SPRR1B: variants seen among roughly 807,000 people sequenced by gnomAD.
SPRR1B encodes cornifin-B.
Under a neutral mutation model 1.2 loss-of-function variants are expected in SPRR1B, and 1 was observed. The observed-to-expected ratio is 0.82, with a 90% confidence interval of 0.29 to 3.89. SPRR1B has a LOEUF of 3.89. SPRR1B is among the 30% of genes most tolerant of loss of function. The pLI, the probability that SPRR1B is intolerant of heterozygous loss-of-function variation, is 0.18. For synonymous variants in SPRR1B, 37 were observed against 38.3 expected, an observed-to-expected ratio of 0.97 and a Z score of 0.13; for missense variants, 102 against 106.0, an observed-to-expected ratio of 0.96 and a Z score of 0.17.
intron 1 of SPRR1B, among the ~76,000 whole-genome samples, chr1:153,031,757 G>A (rs1422879797): frequency 6.6e-6 from 1 of 152,192 alleles, no homozygotes; most frequent in Non-Finnish European, 1.5e-5. Flanking sequence ...TCAGTGCCAG[G>A]TGATTAGGGC....
rs770795259 is a variant in SPRR1B, at chr1:153,032,442, T to C, written c.97T>C (p.Cys33Arg). 4 of 1,613,820 alleles carry C rather than the reference T, an allele frequency of 2.5e-6. No individual in the cohort carries two copies. The highest frequency in any genetic ancestry group is 3.4e-6 in the Non-Finnish European group (4 of 1,179,966). ...QPCQPPPQEP[C>R]IPKTKEPCHP... ...TTGCCAGCCTCCACCTCAGGAACCA[T>C]GCATCCCCAAAACCAAGGAGCCCTG... Residue 33 changes from cysteine to arginine, a missense_variant, in exon 2 of 2, where the codon TGC becomes CGC. Physicochemically the swap from Cys to Arg is radical, Grantham distance 180 (BLOSUM62 -3). Transcript: ENST00000307098.
intron 1 of SPRR1B, among the ~76,000 whole-genome samples, chr1:153,032,027 G>T (rs1653721963): frequency 6.6e-6 from 1 of 150,466 alleles, no homozygotes; most frequent in South Asian, 2.1e-4. Context: ...ATTTGTTAGG[G>T]TTTTTTTTTT....
Position 153,032,535 on chromosome 1 carries a change from C to T in SPRR1B, c.190C>T (p.Pro64Ser). 6.7e-7 allele frequency: 1 copy of T among 1,496,670 alleles called. No homozygotes were observed. Among genetic ancestry groups the T allele is most frequent in the East Asian group, 2.3e-5 (1 of 43,454 alleles). 92.7% of individuals were successfully genotyped at this position (1,496,670 alleles called of 1,614,324 possible). ...PEPCQPKVPE[P>S]CHPKVPEPCP... ...GCCCTGCCAGCCCAAGGTTCCAGAG[C>T]CATGCCACCCCAAGGTGCCTGAGCC... is the stretch of plus-strand genomic sequence containing the variant. The change falls in exon 2 of 2, where the codon CCA becomes TCA. Residue 64 changes from proline (P) to serine (S), a missense_variant. Physicochemically the swap from Pro to Ser is moderately conservative, Grantham distance 74. Coordinates refer to ENST00000307098, the MANE Select transcript of SPRR1B (RefSeq NM_003125.3).
Position 153,032,841 on chromosome 1 carries a change from T to G in SPRR1B, c.*226T>G. The G allele has an allele frequency of 1.2e-6, 1 of 803,742 alleles. No individual in the cohort carries two copies. The highest frequency in any genetic ancestry group is 1.9e-6 in the Non-Finnish European group (1 of 522,354). 49.8% of individuals were successfully genotyped at this position (803,742 alleles called of 1,614,324 possible). ...CTCAGAATTCATCTGAAGAGAGACT[T>G]AAGATGAAAGCAAATGATTCAGCTC... On this transcript the variant is annotated 3_prime_UTR_variant, in exon 2 of 2. Coordinates refer to ENST00000307098, the MANE Select transcript of SPRR1B (RefSeq NM_003125.3).
Position 153,032,734 on chromosome 1 carries a change from G to T in SPRR1B, c.*119G>T. 1 of 1,478,118 alleles carries T rather than the reference G, an allele frequency of 6.8e-7. No homozygotes were observed. The highest frequency in any genetic ancestry group is 9.0e-7 in the Non-Finnish European group (1 of 1,108,336). 91.6% of individuals were successfully genotyped at this position (1,478,118 alleles called of 1,614,324 possible). A position where few individuals can be genotyped will look rare whatever the true frequency, so the allele number is the denominator to read the frequency against. On this transcript the variant is annotated 3_prime_UTR_variant, in exon 2 of 2. Coordinates refer to ENST00000307098, the MANE Select transcript of SPRR1B (RefSeq NM_003125.3). ...CATTCTGTCTCCCCCAAAAAAGAAT[G>T]TGCTATGAAGCTTTCTTTCCTACAC...
intron 1 of SPRR1B, among the ~76,000 whole-genome samples, chr1:153,031,935 A>T (rs1208063847): frequency 6.6e-6 from 1 of 152,176 alleles, no homozygotes. Flanking sequence ...CACAGGTGGG[A>T]TTGCTTGGGG....
rs551631375 is a variant in SPRR1B, at chr1:153,031,680, A to G, written c.-20+433A>G. On this transcript the variant is annotated intron_variant, in intron 1 of 1. Transcript: ENST00000307098. Reference sequence around the variant, plus strand: ...CAATTTGTTTGCAAAGAAATAATTTAAGCATCTATGATACTACAATTTAAT... The same window carrying G: ...CAATTTGTTTGCAAAGAAATAATTTGAGCATCTATGATACTACAATTTAAT... Among the ~76,000 whole-genome samples, 23 of 152,348 alleles carry G rather than the reference A, an allele frequency of 1.5e-4. 1 individual carries two copies. In the South Asian group the frequency reaches 4.8e-3, roughly 32 times the overall value.
chr1:153,032,743 A>C lies in SPRR1B; in HGVS notation c.*128A>C. On this transcript the variant is annotated 3_prime_UTR_variant, in exon 2 of 2. Transcript: ENST00000307098. The stretch of plus-strand genomic sequence containing the variant: ...TCCCCCAAAAAAGAATGTGCTATGA[A>C]GCTTTCTTTCCTACACACTCTGAGT... The C allele has an allele frequency of 1.4e-6, 2 of 1,456,338 alleles. No homozygotes were observed. The highest frequency in any genetic ancestry group is 1.8e-6 in the Non-Finnish European group (2 of 1,093,072). 90.2% of individuals were successfully genotyped at this position (1,456,338 alleles called of 1,614,324 possible).
In SPRR1B at chr1:153,031,207, G is replaced by C. The variant is rs908546066; in HGVS notation, c.-60G>C. The C allele has an allele frequency of 6.6e-6, 1 of 152,244 alleles. No homozygotes were observed. The highest frequency in any genetic ancestry group is 2.4e-5 in the African/African-American group (1 of 41,442). 9.4% of individuals were successfully genotyped at this position (152,244 alleles called of 1,614,324 possible). A position where few individuals can be genotyped will look rare whatever the true frequency, so the allele number is the denominator to read the frequency against. ...CCAGTTGGCTGGGAACACTACACCA[G>C]TTCTAAGGGACCATACAGAGTATTC... is the stretch of plus-strand genomic sequence containing the variant. On this transcript the variant is annotated 5_prime_UTR_variant, in exon 1 of 2. Transcript: ENST00000307098.
chr1:153,032,480 G>T lies in SPRR1B; in HGVS notation c.135G>T (p.Val45=), dbSNP rs750725055. 1 of 1,496,124 alleles carries T rather than the reference G, an allele frequency of 6.7e-7. No homozygotes were observed. The highest frequency in any genetic ancestry group is 1.2e-5 in the South Asian group (1 of 84,486). 92.7% of individuals were successfully genotyped at this position (1,496,124 alleles called of 1,614,324 possible). A position where few individuals can be genotyped will look rare whatever the true frequency, so the allele number is the denominator to read the frequency against. The part of the protein sequence containing the change: ...PKTKEPCHPK[V]PEPCHPKVPE... ...CCAAGGAGCCCTGCCACCCCAAGGT[G>T]CCTGAGCCCTGCCACCCCAAAGTGC... Residue 45 remains valine, a synonymous_variant, in exon 2 of 2, where the codon GTG becomes GTT. Coordinates refer to ENST00000307098, the MANE Select transcript of SPRR1B (RefSeq NM_003125.3).
At position 153,032,205 on chromosome 1, in the gene SPRR1B, A is replaced by G. The variant is rs1021584285; in HGVS notation, c.-19-122A>G. 20 of 1,266,280 alleles carry G rather than the reference A, an allele frequency of 1.6e-5. No homozygotes were observed. The African/African-American group carries it at 3.0e-4, about 19-fold the overall frequency. The allele number at this position is 1,266,280 out of a possible 1,614,324, so 78.4% of individuals were successfully genotyped here. On this transcript the variant is annotated intron_variant, in intron 1 of 1. Transcript: ENST00000307098. ...CCTCTTCTTCAAAGGCTCAGAAATT[A>G]AATTAAGTATTCTTTGTGGTCAAGA...
Position 153,032,630 on chromosome 1 carries a change from A to G in SPRR1B, c.*15A>G. On this transcript the variant is annotated 3_prime_UTR_variant, in exon 2 of 2. Transcript: ENST00000307098. The stretch of plus-strand genomic sequence containing the variant: ...AGCAGAAGTAATGTGGTCCACAGCC[A>G]TGCCCTTGAGGAGCCGGCCACCAGA... 2.5e-6 allele frequency: 4 copies of G among 1,610,728 alleles called. No homozygotes were observed. Among genetic ancestry groups the G allele is most frequent in the Non-Finnish European group, 3.4e-6 (4 of 1,177,714 alleles).
chr1:153,031,970 A>G (rs916252599), intron 1 of SPRR1B, among the ~76,000 whole-genome samples: 10 of 152,196 alleles, frequency 6.6e-5, no homozygotes, highest in Non-Finnish European at 1.5e-4. Context: ...GAGTTATACA[A>G]TAGATGATAA....
Position 153,032,479 on chromosome 1 carries a change from T to A in SPRR1B, c.134T>A (p.Val45Glu). The change falls in exon 2 of 2, where the codon GTG becomes GAG. Residue 45 changes from valine (V) to glutamate (E), a missense_variant. Val to Glu is a moderately radical substitution (Grantham distance 121, BLOSUM62 -2). Coordinates refer to ENST00000307098, the MANE Select transcript of SPRR1B (RefSeq NM_003125.3). ...ACCAAGGAGCCCTGCCACCCCAAGG[T>A]GCCTGAGCCCTGCCACCCCAAAGTG... ...PKTKEPCHPK[V>E]PEPCHPKVPE... 4 of 1,496,310 alleles carry A rather than the reference T, an allele frequency of 2.7e-6. No individual in the cohort carries two copies. The highest frequency in any genetic ancestry group is 1.4e-5 in the African/African-American group (1 of 73,030). The allele number at this position is 1,496,310 out of a possible 1,614,324, so 92.7% of individuals were successfully genotyped here. A position where few individuals can be genotyped will look rare whatever the true frequency, so the allele number is the denominator to read the frequency against.
Position 153,032,625 on chromosome 1 carries a change from C to T in SPRR1B, c.*10C>T. The T allele has an allele frequency of 1.2e-6, 2 of 1,611,004 alleles. No homozygotes were observed. Among genetic ancestry groups the T allele is most frequent in the Admixed American group, 1.7e-5 (1 of 59,876 alleles). On this transcript the variant is annotated 3_prime_UTR_variant, in exon 2 of 2. Transcript: ENST00000307098. ...GACCAAGCAGAAGTAATGTGGTCCA[C>T]AGCCATGCCCTTGAGGAGCCGGCCA...
rs751942144 is a variant in SPRR1B, at chr1:153,032,553, C to T, written c.208C>T (p.Pro70Ser). ...TCCAGAGCCATGCCACCCCAAGGTG[C>T]CTGAGCCCTGCCCTTCAATAGTCAC... ...KVPEPCHPKV[P>S]EPCPSIVTPA... Residue 70 changes from proline (P) to serine (S), a missense_variant, in exon 2 of 2, where the codon CCT becomes TCT. By Grantham distance (74) the Pro-to-Ser change is moderately conservative. Coordinates refer to ENST00000307098, the MANE Select transcript of SPRR1B (RefSeq NM_003125.3). 1 of 1,612,960 alleles carries T rather than the reference C, an allele frequency of 6.2e-7. No homozygotes were observed. The highest frequency in any genetic ancestry group is 8.5e-7 in the Non-Finnish European group (1 of 1,179,184).
rs1653749694 is a variant in SPRR1B at position 153,032,835 on chromosome 1, G to A, written c.*220G>A. 1 of 834,428 alleles carries A rather than the reference G, an allele frequency of 1.2e-6. No individual in the cohort carries two copies. Among genetic ancestry groups the A allele is most frequent in the Non-Finnish European group, 1.8e-6 (1 of 549,058 alleles). 51.7% of individuals were successfully genotyped at this position (834,428 alleles called of 1,614,324 possible). On this transcript the variant is annotated 3_prime_UTR_variant, in exon 2 of 2. Transcript: ENST00000307098. ...CAGCTGCTCAGAATTCATCTGAAGA[G>A]AGACTTAAGATGAAAGCAAATGATT...
intron 1 of SPRR1B, among the ~76,000 whole-genome samples, chr1:153,031,557 C>A (rs1055041239): frequency 6.6e-6 from 1 of 152,234 alleles, no homozygotes. Context: ...AGGTCCACAG[C>A]ACTTACCCTG....
At position 153,032,318 on chromosome 1, in the gene SPRR1B, T is replaced by C. The variant is rs1653731530; in HGVS notation, c.-19-9T>C. 6.2e-7 allele frequency: 1 copy of C among 1,608,162 alleles called. No individual in the cohort carries two copies. On this transcript the variant is annotated splice_polypyrimidine_tract_variant and intron_variant, in intron 1 of 1. Coordinates refer to ENST00000307098, the MANE Select transcript of SPRR1B (RefSeq NM_003125.3). ...TATTCTCTGCTTAAATCATCTGTTC[T>C]GTGTCCAGGACCAGTCACTGTTGCA... is the stretch of plus-strand genomic sequence containing the variant.
Sources: allele counts gnomAD v4.1 joint callset (sites outside exome capture counted in the v4.1 genomes callset), GRCh38; gene constraint gnomAD v4.1.1; transcripts MANE v1.5; gene names NCBI Gene and HGNC (gene_info 2026-07-23, HGNC 2026-07-21).